The following BTBD3 variants were observed in gnomAD, a reference collection of about 807,000 sequenced individuals.
BTBD3 encodes the protein BTB domain containing 3.
A neutral mutation model predicts 41.6 loss-of-function variants in BTBD3; 14 were observed. The ratio of observed to expected loss-of-function variants is 0.34; its 90% CI spans 0.22 to 0.53. The LOEUF (loss-of-function observed/expected upper bound fraction) is 0.53. Among genes scored for constraint, BTBD3 ranks in the 20% least tolerant of loss-of-function variants. The probability of loss-of-function intolerance (pLI) is 0.95; values close to 1 mark genes in which losing one functional copy is unlikely to be tolerated. For synonymous variants in BTBD3, 249 were observed against 233.7 expected, an observed-to-expected ratio of 1.07 and a Z score of -0.60; for missense variants, 426 against 654.7, an observed-to-expected ratio of 0.65 and a Z score of 3.81.
chr20:11,907,116 TC>T (rs1437797252), intron 1 of BTBD3, among the ~76,000 whole-genome samples: 1 of 152,192 alleles, frequency 6.6e-6, no homozygotes, highest in African/African-American at 2.4e-5. Context: ...TAGTTCTTGT[TC>T]CTGGTTAACC....
chr20:11,902,412 T>C (rs1043712541), intron 1 of BTBD3, among the ~76,000 whole-genome samples: 4 of 152,214 alleles, frequency 2.6e-5, no homozygotes, highest in African/African-American at 7.2e-5. Context: ...TAGTGTCTTT[T>C]CTATGCTTCT....
At position 11,923,224 on chromosome 20, in the gene BTBD3, A is replaced by C. The variant is rs770597409; in HGVS notation, c.1127A>C (p.His376Pro). Residue 376 changes from histidine to proline, a missense_variant, in exon 4 of 4, where the codon CAC (histidine) becomes CCC (proline). Physicochemically the swap from His to Pro is moderately conservative, Grantham distance 77 (BLOSUM62 -2). Around this residue, in one of 3 missense-constraint regions of BTBD3, gnomAD observed 321 missense variants for 534.8 expected, o/e 0.60. Transcript: ENST00000378226. This position sits in a 1 kb window ranked among gnomAD's most constrained non-coding sequence, Gnocchi z 5.3. ...AAGGGCCTTGTCCCCCAGCGCTGTC[A>C]CCGTTTCCAGTCGTGTGCCTATCGA... ...ARKGLVPQRC[H>P]RFQSCAYRSN... 4.3e-6 allele frequency: 7 copies of C among 1,614,216 alleles called. No individual in the cohort carries two copies. The South Asian group carries it at 7.7e-5, about 18-fold the overall frequency.
At chr20:11,906,059 T>A (rs1163493662) in intron 1 of BTBD3, among the ~76,000 whole-genome samples, 1 of 151,828 alleles carries the variant, frequency 6.6e-6, no homozygotes, top group Non-Finnish European at 1.5e-5. Context: ...TTGAGCAGAT[T>A]TATTTATTTA....
intron 1 of BTBD3, among the ~76,000 whole-genome samples, chr20:11,897,449 TG>T (rs1334525509): frequency 1.5e-5 from 2 of 133,050 alleles, no homozygotes; most frequent in African/African-American, 5.8e-5. Flanking sequence ...ACCAACCTAG[TG>T]GGTGTTAGCT....
chr20:11,918,970 C>G (rs2056942062), intron 1 of BTBD3, 116 bp from the exon 2 acceptor site: 2 of 718,046 alleles, frequency 2.8e-6, no homozygotes, highest in Non-Finnish European at 4.7e-6. Context: ...GTTGTTTTGC[C>G]TTGAAGTTAC....
intron 1 of BTBD3, among the ~76,000 whole-genome samples, chr20:11,911,481 AC>A (rs2056889228): frequency 6.6e-6 from 1 of 152,192 alleles, no homozygotes; most frequent in Non-Finnish European, 1.5e-5. Context: ...GAGTTGTCTA[AC>A]CTTTTGGCTT....
chr20:11,907,543 G>A (rs2056862753), intron 1 of BTBD3, among the ~76,000 whole-genome samples: 1 of 152,194 alleles, frequency 6.6e-6, no homozygotes, highest in South Asian at 2.1e-4. Flanking sequence ...TGCAGATATG[G>A]AGATGCAGTC....
intron 3 of BTBD3, among the ~76,000 whole-genome samples, chr20:11,920,037 C>T (rs933890536): frequency 6.6e-6 from 1 of 152,166 alleles, no homozygotes; most frequent in Non-Finnish European, 1.5e-5. Context: ...CATTTATAAT[C>T]GCACCTTGAC....
At chr20:11,898,941 T>A (rs943819198) in intron 1 of BTBD3, among the ~76,000 whole-genome samples, 3 of 152,202 alleles carry the variant, frequency 2.0e-5, no homozygotes, top group African/African-American at 4.8e-5. Context: ...TTCTAGAATC[T>A]TCTCTCTTTA....
intron 1 of BTBD3, among the ~76,000 whole-genome samples, chr20:11,899,242 G>A (rs527285324): frequency 1.8e-4 from 28 of 152,172 alleles, no homozygotes; most frequent in African/African-American, 4.6e-4. Flanking sequence ...TTGGATGCAC[G>A]TAATTGAACC....
intron 3 of BTBD3, among the ~76,000 whole-genome samples, chr20:11,922,375 C>G (rs189801715): frequency 7.0e-4 from 106 of 152,238 alleles, no homozygotes; most frequent in African/African-American, 2.1e-3. Context: ...GTTGAGATGA[C>G]ACTGAATGCA....
rs1415556028 is a variant in BTBD3 at position 11,922,707 on chromosome 20, A to C, written c.610A>C (p.Ile204Leu). The C allele has an allele frequency of 1.2e-6, 2 of 1,614,100 alleles. No individual in the cohort carries two copies. Among genetic ancestry groups the C allele is most frequent in the Non-Finnish European group, 1.7e-6 (2 of 1,180,052 alleles). ...CACACTTTATGCTGCCAAAAAGTAC[A>C]TTGTCCCTCACCTTGCCAGAGCCTG... The part of the protein sequence containing the change: ...LATLYAAKKY[I>L]VPHLARACVN... The change falls in exon 4 of 4, where the codon ATT becomes CTT. Residue 204 changes from isoleucine to leucine, a missense_variant. By Grantham distance (5) the Ile-to-Leu change is conservative. Transcript: ENST00000378226.
chr20:11,899,835 A>G (rs920962940), intron 1 of BTBD3, among the ~76,000 whole-genome samples: 7 of 152,236 alleles, frequency 4.6e-5, no homozygotes, highest in African/African-American at 1.7e-4. Context: ...GTGATTTGCA[A>G]GAAAAAAAAG....
Position 11,923,147 on chromosome 20 carries a change from C to G in BTBD3, c.1050C>G (p.Leu350=). 3 of 1,614,198 alleles carry G rather than the reference C, an allele frequency of 1.9e-6. No homozygotes were observed. The highest frequency in any genetic ancestry group is 2.5e-6 in the Non-Finnish European group (3 of 1,180,052). The change falls in exon 4 of 4, where the codon CTC becomes CTG. Residue 350 remains leucine (L), a synonymous_variant. Transcript: ENST00000378226. This position sits in a 1 kb window ranked among gnomAD's most constrained non-coding sequence, Gnocchi z 5.3. ...TCAATGAGACCAACGACATCTTCCT[C>G]TGGTATACTGCAGCCAAAAAGCCTG... ...LTLNETNDIF[L]WYTAAKKPEL...
intron 2 of BTBD3, 165 bp from the exon 3 acceptor site, chr20:11,919,553 A>T: frequency 8.9e-7 from 1 of 1,126,006 alleles, no homozygotes; most frequent in South Asian, 1.6e-5. Flanking sequence ...GCATGGTCTT[A>T]TGCTTCCATG....
intron 1 of BTBD3, among the ~76,000 whole-genome samples, chr20:11,911,148 A>G (rs1184993884): frequency 6.6e-6 from 1 of 152,054 alleles, no homozygotes; most frequent in African/African-American, 2.4e-5. Flanking sequence ...AAGAAAGGAA[A>G]AAAAAAAGCC....
At chr20:11,918,701 C>T (rs1039351160) in intron 1 of BTBD3, 100 bp downstream of exon 1, 6 of 1,297,352 alleles carry the variant, frequency 4.6e-6, no homozygotes, top group Non-Finnish European at 6.3e-6. Context: ...TCTGTTTCCT[C>T]TTTTCCCAGA....
At position 11,919,382 on chromosome 20, in the gene BTBD3, A is replaced by G. The variant is rs998260559; in HGVS notation, c.417+206A>G. ...TTCTATACTGCTTTATATCTCACAC[A>G]TCCCCTCTTAACTCTCCAGACATGG... On this transcript the variant is annotated intron_variant, in intron 2 of 3. Coordinates refer to ENST00000378226, the MANE Select transcript of BTBD3 (RefSeq NM_014962.4). The G allele has an allele frequency of 1.4e-5, 20 of 1,409,286 alleles. No homozygotes were observed. The African/African-American group carries it at 2.6e-4, about 18-fold the overall frequency. The allele number at this position is 1,409,286 out of a possible 1,614,324, so 87.3% of individuals were successfully genotyped here. A position where few individuals can be genotyped will look rare whatever the true frequency, so the allele number is the denominator to read the frequency against.
At chr20:11,909,403 A>AT (rs565779022) in intron 1 of BTBD3, 19 of 152,050 alleles carry the variant, frequency 1.2e-4, no homozygotes, top group Admixed American at 9.2e-4. Flanking sequence ...TTCTACTTGA[A>AT]TTTTTTGTTA....
Sources: allele counts gnomAD v4.1 joint callset (sites outside exome capture counted in the v4.1 genomes callset), GRCh38; gene constraint gnomAD v4.1.1; regional missense constraint gnomAD v4.1.1; non-coding constraint Gnocchi (gnomAD v3.1); transcripts MANE v1.5; gene names NCBI Gene and HGNC (gene_info 2026-07-23, HGNC 2026-07-21).